Variants in ETV6 observed in about 807,000 individuals in gnomAD.
ETV6 encodes transcription factor ETV6.
ETV6 carries 16 observed loss-of-function variants against 51.1 expected under a neutral mutation model. That is an observed-to-expected ratio of 0.31 (90% CI 0.21 to 0.48). ETV6 has a LOEUF of 0.48. Among genes scored for constraint, ETV6 ranks in the 20% least tolerant of loss-of-function variants. The pLI, the probability that ETV6 is intolerant of heterozygous loss-of-function variation, is 0.99. For synonymous variants in ETV6, 240 were observed against 224.1 expected (o/e 1.07, Z -0.64); for missense variants, 458 against 594.8 (o/e 0.77, Z 2.39).
chr12:11,722,020 G>A (rs574297320), intron 1 of ETV6, among the ~76,000 whole-genome samples: 4 of 152,260 alleles, frequency 2.6e-5, no homozygotes, highest in Middle Eastern at 3.4e-3. Flanking sequence ...TTACCTCTGT[G>A]GAAATTCTAG....
rs978108244 is a variant in ETV6, at chr12:11,848,871, C to A, written c.329-4556C>A. Reference sequence around the variant, plus strand: ...GTTCTTTGACCAGTAGGGCTCAGTTCCATTGAATAGTACAATAGAAATACT... The same window carrying A: ...GTTCTTTGACCAGTAGGGCTCAGTTACATTGAATAGTACAATAGAAATACT... On this transcript the variant is annotated intron_variant, in intron 3 of 7. Coordinates refer to ENST00000396373, the MANE Select transcript of ETV6 (RefSeq NM_001987.5). Among the ~76,000 whole-genome samples the A allele has an allele frequency of 1.8e-4, 28 of 152,108 alleles. 1 individual carries two copies. The highest frequency in any genetic ancestry group is 1.6e-3 in the Admixed American group (24 of 15,274).
chr12:11,652,621 G>A (rs969859419), intron 1 of ETV6, among the ~76,000 whole-genome samples: 3 of 152,284 alleles, frequency 2.0e-5, no homozygotes, highest in South Asian at 2.1e-4. Flanking sequence ...TCCTGAAACC[G>A]TCCTCACTTG....
chr12:11,860,849 A>T (rs577006609), intron 4 of ETV6, among the ~76,000 whole-genome samples: 21 of 152,168 alleles, frequency 1.4e-4, no homozygotes, highest in Non-Finnish European at 2.9e-4. Context: ...CAATATCGCA[A>T]CTACATCCAC....
At chr12:11,723,250 A>G (rs553977391) in intron 1 of ETV6, among the ~76,000 whole-genome samples, 192 of 152,218 alleles carry the variant, frequency 1.3e-3, no homozygotes, top group Non-Finnish European at 2.1e-3. Flanking sequence ...GTAGGTTAGT[A>G]TGACACGGTT....
At chr12:11,718,485 G>T (rs1865321152) in intron 1 of ETV6, among the ~76,000 whole-genome samples, 2 of 152,032 alleles carry the variant, frequency 1.3e-5, no homozygotes. Context: ...ACCCAGGTTG[G>T]CTAGGTGTGG....
chr12:11,779,884 CT>C (rs1225193305), intron 2 of ETV6, among the ~76,000 whole-genome samples: 3 of 152,182 alleles, frequency 2.0e-5, no homozygotes, highest in African/African-American at 7.2e-5. Context: ...CATTCATTCC[CT>C]TCTGCATTTG....
intron 5 of ETV6, among the ~76,000 whole-genome samples, chr12:11,876,490 T>C (rs1027147674): frequency 9.2e-5 from 14 of 152,240 alleles, no homozygotes; most frequent in African/African-American, 3.1e-4. Context: ...AGTTTAGTTT[T>C]CTCTTAAAGT....
intron 2 of ETV6, among the ~76,000 whole-genome samples, chr12:11,837,041 G>A (rs1053034151): frequency 6.6e-6 from 1 of 152,140 alleles, no homozygotes; most frequent in Non-Finnish European, 1.5e-5. Flanking sequence ...GTTTTTACCA[G>A]TTCAAAAACT....
chr12:11,794,392 T>C (rs1167129741), intron 2 of ETV6, among the ~76,000 whole-genome samples: 2 of 152,204 alleles, frequency 1.3e-5, no homozygotes, highest in African/African-American at 4.8e-5. Context: ...GTTCAGCTGC[T>C]TGGGCACAAG....
chr12:11,672,150 C>A (rs544346630), intron 1 of ETV6, among the ~76,000 whole-genome samples: 1 of 152,248 alleles, frequency 6.6e-6, no homozygotes, highest in Admixed American at 6.5e-5. Context: ...GGACCCTTGA[C>A]TACCCTGTTC....
rs1361801456 is a variant in ETV6 at position 11,796,767 on chromosome 12, T to TC, written c.164-42373_164-42372insC. Among the ~76,000 whole-genome samples the TC allele has an allele frequency of 5.0e-5, 7 of 140,826 alleles. No individual in the cohort carries two copies. In the South Asian group the frequency reaches 1.6e-3, roughly 31 times the overall value. The allele number at this position is 140,826 out of a possible 152,430, so 92.4% of individuals were successfully genotyped here. ...ACTAAGGGATAATTTCTTCCTTTTC[T>TC]TTTTTTTTTTTTTGTGTGTGTGTGT... On this transcript the variant is annotated intron_variant, in intron 2 of 7. Coordinates refer to ENST00000396373, the MANE Select transcript of ETV6 (RefSeq NM_001987.5).
chr12:11,734,666 A>C (rs1430619722), intron 1 of ETV6, among the ~76,000 whole-genome samples: 2 of 152,134 alleles, frequency 1.3e-5, no homozygotes, highest in African/African-American at 2.4e-5. Context: ...CACTATGCAA[A>C]ATTGTAGGGC....
intron 5 of ETV6, among the ~76,000 whole-genome samples, chr12:11,871,250 G>A (rs1198251500): frequency 2.0e-5 from 3 of 148,628 alleles, no homozygotes; most frequent in Non-Finnish European, 4.4e-5. Context: ...GTGCAGTGAC[G>A]GAATCTCGGC....
At chr12:11,743,416 T>A (rs1865847138) in intron 1 of ETV6, among the ~76,000 whole-genome samples, 1 of 152,184 alleles carries the variant, frequency 6.6e-6, no homozygotes, top group African/African-American at 2.4e-5. Context: ...ATTTCTTCAG[T>A]TTGACTGTGG....
rs187470901 is a variant in ETV6, at chr12:11,810,098, C to T, written c.164-29042C>T. Among the ~76,000 whole-genome samples, 7 of 152,162 alleles carry T rather than the reference C, an allele frequency of 4.6e-5. No individual in the cohort carries two copies. The East Asian group carries it at 1.4e-3, about 29-fold the overall frequency. ...CCTCCCAAAGTGCTGGGATTACAGGCGTGAGCCACCGCACCTGGCTGGAAT... is the reference window on the plus strand; with the variant it reads ...CCTCCCAAAGTGCTGGGATTACAGGTGTGAGCCACCGCACCTGGCTGGAAT... On this transcript the variant is annotated intron_variant, in intron 2 of 7. Transcript: ENST00000396373.
At chr12:11,788,200 G>A (rs781610848) in intron 2 of ETV6, among the ~76,000 whole-genome samples, 1 of 152,198 alleles carries the variant, frequency 6.6e-6, no homozygotes, top group Non-Finnish European at 1.5e-5. Flanking sequence ...TATGTGTTTA[G>A]CACAGGGCTA....
intron 2 of ETV6, among the ~76,000 whole-genome samples, chr12:11,770,899 C>T (rs1945233837): frequency 6.9e-6 from 1 of 145,922 alleles, no homozygotes; most frequent in African/African-American, 2.5e-5. Context: ...GACCCCATCT[C>T]TTAAAAAAAA....
rs902458141 is a variant in ETV6, at chr12:11,655,940, T to G, written c.33+5780T>G. 2.6e-5 allele frequency among the ~76,000 whole-genome samples: 4 copies of G among 152,254 alleles called. No individual in the cohort carries two copies. In the South Asian group the frequency reaches 8.3e-4, roughly 31 times the overall value. ...TCTGTAATTAAAGGTGTTCGTCTGC[T>G]GTTTTAGTGGCCGTTGTTCTACAAC... is the stretch of plus-strand genomic sequence containing the variant. On this transcript the variant is annotated intron_variant, in intron 1 of 7. Transcript: ENST00000396373.
intron 2 of ETV6, among the ~76,000 whole-genome samples, chr12:11,820,249 T>C (rs1261447641): frequency 1.3e-5 from 2 of 152,272 alleles, no homozygotes; most frequent in South Asian, 4.1e-4. Flanking sequence ...CTTAGCACCA[T>C]GCTGCACTGT....
Sources: gnomAD v4.1 joint callset for allele counts (sites outside exome capture counted in the v4.1 genomes callset) on GRCh38, gnomAD v4.1.1 for gene constraint, MANE v1.5 for transcripts, NCBI Gene and HGNC (gene_info 2026-07-23, HGNC 2026-07-21) for gene names.